DEUP1: variants seen among roughly 807,000 people sequenced by gnomAD.
DEUP1 encodes deuterosome assembly protein 1.
DEUP1 carries 82 observed loss-of-function variants against 87.4 expected under a neutral mutation model. The ratio of observed to expected loss-of-function variants is 0.94; its 90% confidence interval spans 0.78 to 1.13. DEUP1 has a LOEUF of 1.13. Ranked by LOEUF, DEUP1 falls within the 50% of genes most tolerant of loss-of-function variation. The pLI is 0.00. For synonymous variants in DEUP1, 214 were observed against 222.7 expected, an observed-to-expected ratio of 0.96 and a Z score of 0.35; for missense variants, 663 against 681.5, an observed-to-expected ratio of 0.97 and a Z score of 0.30.
intron 8 of DEUP1, among the ~76,000 whole-genome samples, chr11:93,388,475 C>T (rs1368039976): frequency 7.2e-5 from 11 of 152,120 alleles, no homozygotes; most frequent in Admixed American, 5.2e-4. Flanking sequence ...CTAGTTTCTG[C>T]TTTTCTCCTC....
At chr11:93,434,737 G>C (rs1313811872) in intron 13 of DEUP1, among the ~76,000 whole-genome samples, 1 of 152,156 alleles carries the variant, frequency 6.6e-6, no homozygotes, top group Non-Finnish European at 1.5e-5. Flanking sequence ...TCTCCAAGTG[G>C]GTTAACAGAA....
intron 2 of DEUP1, among the ~76,000 whole-genome samples, chr11:93,335,817 T>C (rs1487623690): frequency 1.3e-5 from 2 of 152,176 alleles, no homozygotes; most frequent in African/African-American, 4.8e-5. Flanking sequence ...AGCATATGGT[T>C]AGATTAACAA....
At chr11:93,369,358 C>T (rs1014761374) in intron 5 of DEUP1, among the ~76,000 whole-genome samples, 1 of 151,622 alleles carries the variant, frequency 6.6e-6, no homozygotes, top group African/African-American at 2.4e-5. Flanking sequence ...CAAGCCCCAC[C>T]CTCTAAAAAA....
rs1156738142 is a variant in DEUP1 at position 93,383,704 on chromosome 11, A to T, written c.790-1694A>T. Reference sequence around the variant, plus strand: ...TCAGTATATCTATATATTAAGAATTATTGAACAAACAATTTTTTAAAATAT... The same window carrying T: ...TCAGTATATCTATATATTAAGAATTTTTGAACAAACAATTTTTTAAAATAT... On this transcript the variant is annotated intron_variant, in intron 7 of 13. Transcript: ENST00000298050. 6 of 548,270 alleles carry T rather than the reference A, an allele frequency of 1.1e-5. No homozygotes were observed. In the Admixed American group the frequency reaches 1.7e-4, roughly 16 times the overall value. 34.0% of individuals were successfully genotyped at this position (548,270 alleles called of 1,614,324 possible).
intron 7 of DEUP1, among the ~76,000 whole-genome samples, chr11:93,381,415 C>T (rs1009213850): frequency 6.6e-5 from 10 of 152,258 alleles, no homozygotes; most frequent in African/African-American, 2.4e-4. Flanking sequence ...ATCTGAATTA[C>T]TGTCATTTCT....
At chr11:93,398,492 G>T (rs1462737433) in intron 11 of DEUP1, among the ~76,000 whole-genome samples, 2 of 151,988 alleles carry the variant, frequency 1.3e-5, no homozygotes, top group African/African-American at 4.8e-5. Context: ...TACCATCTTT[G>T]TATGAGTACC....
At chr11:93,366,302 G>C (rs944048555) in intron 5 of DEUP1, among the ~76,000 whole-genome samples, 1 of 152,172 alleles carries the variant, frequency 6.6e-6, no homozygotes, top group African/African-American at 2.4e-5. Flanking sequence ...CCGTTTTACA[G>C]GTGAAGGTCT....
chr11:93,416,020 G>A (rs780451877), intron 13 of DEUP1, among the ~76,000 whole-genome samples: 1 of 152,038 alleles, frequency 6.6e-6, no homozygotes, highest in Non-Finnish European at 1.5e-5. Flanking sequence ...ACCTAAAATG[G>A]AATACCGAGG....
intron 2 of DEUP1, among the ~76,000 whole-genome samples, chr11:93,341,254 CA>C (rs200524561): frequency 0.45 from 60,701 of 136,034 alleles, 12,746 homozygotes; most frequent in South Asian, 0.59. Flanking sequence ...CCTGTCTCTA[CA>C]AAAAAAAAAA....
chr11:93,437,529 C>G lies in DEUP1; in HGVS notation c.1639-14C>G. 3 of 1,591,348 alleles carry G rather than the reference C, an allele frequency of 1.9e-6. No homozygotes were observed. Among genetic ancestry groups the G allele is most frequent in the Non-Finnish European group, 2.6e-6 (3 of 1,171,618 alleles). On this transcript the variant is annotated splice_polypyrimidine_tract_variant and intron_variant, in intron 13 of 13. Transcript: ENST00000298050. ...CTGTATTCCTCACTCACTTTTCTTT[C>G]TTTCTCTCTTTAGTCTCCCCCAGAT...
At chr11:93,407,794 C>T (rs980466866) in intron 11 of DEUP1, among the ~76,000 whole-genome samples, 3 of 150,950 alleles carry the variant, frequency 2.0e-5, no homozygotes, top group Non-Finnish European at 4.4e-5. Context: ...CCTATGAACA[C>T]AAAAAAACTT....
At position 93,408,255 on chromosome 11, in the gene DEUP1, C is replaced by T. The variant is rs760402384; in HGVS notation, c.1351C>T (p.Gln451Ter). 1 of 1,577,130 alleles carries T rather than the reference C, an allele frequency of 6.3e-7. No homozygotes were observed. Among genetic ancestry groups the T allele is most frequent in the Non-Finnish European group, 8.6e-7 (1 of 1,161,132 alleles). ...YMSMDFTNRE[Q>*]SRHTSINKLQ... Reference sequence around the variant, plus strand: ...GAGTATGGACTTCACTAACAGGGAACAGTCAAGGCATACATCTATTAATAA... The same window carrying T: ...GAGTATGGACTTCACTAACAGGGAATAGTCAAGGCATACATCTATTAATAA... Residue 451 changes from glutamine (Q) to a stop codon, truncating the protein, a stop_gained, in exon 12 of 14, where the codon CAG becomes TAG. Transcript: ENST00000298050. LOFTEE classifies it high-confidence loss of function.
chr11:93,405,635 A>G (rs1305740746), intron 11 of DEUP1, among the ~76,000 whole-genome samples: 6 of 152,046 alleles, frequency 3.9e-5, no homozygotes. Context: ...TTGAAGCAAA[A>G]AATGAAATAT....
At chr11:93,382,309 T>G (rs1946338324) in intron 7 of DEUP1, among the ~76,000 whole-genome samples, 1 of 152,234 alleles carries the variant, frequency 6.6e-6, no homozygotes, top group Non-Finnish European at 1.5e-5. Flanking sequence ...CAAATTTTTC[T>G]TGTACTTTTG....
rs556257363 is a variant in DEUP1 at position 93,334,497 on chromosome 11, AAAAT to A, written c.29+2213_29+2216del. ...TTTGTATCATATGGTGATATGAAGA[AAAAT>A]AAAGCAGGCTAAGGGTGGGAAAAAT... On this transcript the variant is annotated intron_variant, in intron 2 of 13. Coordinates refer to ENST00000298050, the MANE Select transcript of DEUP1 (RefSeq NM_181645.4). 3.3e-3 allele frequency among the ~76,000 whole-genome samples: 504 copies of A among 152,358 alleles called. 2 individuals carry two copies. Among genetic ancestry groups the A allele is most frequent in the African/African-American group, 0.012 (481 of 41,576 alleles).
intron 7 of DEUP1, among the ~76,000 whole-genome samples, chr11:93,378,144 G>T (rs1946129540): frequency 6.6e-6 from 1 of 152,146 alleles, no homozygotes; most frequent in East Asian, 1.9e-4. Context: ...GTATTTGGAT[G>T]TCTAGATCTC....
chr11:93,361,646 A>G (rs887809178), intron 4 of DEUP1, among the ~76,000 whole-genome samples: 1 of 152,150 alleles, frequency 6.6e-6, no homozygotes, highest in African/African-American at 2.4e-5. Context: ...AGATATACTC[A>G]AAAACACTAC....
At chr11:93,400,271 C>A (rs1312296631) in intron 11 of DEUP1, among the ~76,000 whole-genome samples, 1 of 152,166 alleles carries the variant, frequency 6.6e-6, no homozygotes, top group Non-Finnish European at 1.5e-5. Flanking sequence ...TTCAAGGTGT[C>A]AGCAGGGCTA....
intron 2 of DEUP1, among the ~76,000 whole-genome samples, chr11:93,349,226 C>G (rs1007714972): frequency 2.0e-5 from 3 of 152,076 alleles, no homozygotes; most frequent in Non-Finnish European, 2.9e-5. Context: ...GTGATGATGA[C>G]CTACAATGAA....
Sources: allele counts gnomAD v4.1 joint callset (sites outside exome capture counted in the v4.1 genomes callset), GRCh38; gene constraint gnomAD v4.1.1; transcripts MANE v1.5; gene names NCBI Gene and HGNC (gene_info 2026-07-23, HGNC 2026-07-21).